The following PRELID2 variants were observed in gnomAD, a reference collection of about 807,000 sequenced individuals.
The protein encoded by PRELID2 is PRELI domain containing 2.
In PRELID2, 25 loss-of-function variants were observed where a neutral mutation model predicts 28.4. The ratio of observed to expected loss-of-function variants is 0.88; its 90% CI spans 0.64 to 1.23. The LOEUF (loss-of-function observed/expected upper bound fraction) is 1.23. Ranked by LOEUF, PRELID2 falls within the 50% of genes most tolerant of loss-of-function variation. The probability of loss-of-function intolerance (pLI) is 0.00; values close to 1 mark genes in which losing one functional copy is unlikely to be tolerated. For synonymous variants in PRELID2, 76 were observed against 71.6 expected (o/e 1.06, Z -0.31); for missense variants, 201 against 214.4 (o/e 0.94, Z 0.39).
chr5:145,482,161 G>A (rs765820548), intron 1 of PRELID2, among the ~76,000 whole-genome samples: 3 of 152,146 alleles, frequency 2.0e-5, no homozygotes, highest in Non-Finnish European at 2.9e-5. Context: ...AGCCATGAAA[G>A]GGGAAAGAAC....
At chr5:145,643,864 G>A (rs11949877) in intron 1 of PRELID2, among the ~76,000 whole-genome samples, 5,668 of 152,096 alleles carry the variant, frequency 0.037, 328 homozygotes, top group African/African-American at 0.13. Flanking sequence ...GGATGAAGCC[G>A]ATTTGATCAT....
chr5:145,720,932 T>C (rs10035959), intron 1 of PRELID2, among the ~76,000 whole-genome samples: 32,698 of 152,006 alleles, frequency 0.22, 4,514 homozygotes, highest in African/African-American at 0.39. Flanking sequence ...TTTTTGTTTA[T>C]GTGAGTTATA....
chr5:145,721,964 TAGG>T (rs1412720010), intron 1 of PRELID2, among the ~76,000 whole-genome samples: 1 of 152,076 alleles, frequency 6.6e-6, no homozygotes, highest in Non-Finnish European at 1.5e-5. Flanking sequence ...GCAGAAACTG[TAGG>T]AGAAGCAAGC....
At chr5:145,347,076 G>A in the PRELID2 span, among the ~76,000 whole-genome samples, 1 of 152,116 alleles carries the variant, frequency 6.6e-6, no homozygotes, top group Non-Finnish European at 1.5e-5. Context: ...GAAAAGAGAA[G>A]TTTTCCTTCT....
At chr5:145,743,296 A>G (rs1222547181) in intron 1 of PRELID2, among the ~76,000 whole-genome samples, 1 of 151,788 alleles carries the variant, frequency 6.6e-6, no homozygotes, top group Non-Finnish European at 1.5e-5. Flanking sequence ...CTGTAATCCC[A>G]GCTACTCGGG....
At chr5:145,722,962 A>G (rs1395149578) in intron 1 of PRELID2, among the ~76,000 whole-genome samples, 1 of 152,174 alleles carries the variant, frequency 6.6e-6, no homozygotes, top group East Asian at 1.9e-4. Context: ...TGACCAAACT[A>G]TCAATAACCA....
intron 1 of PRELID2, among the ~76,000 whole-genome samples, chr5:145,696,463 C>T (rs1027938567): frequency 6.6e-6 from 1 of 152,042 alleles, no homozygotes. Flanking sequence ...GAATTACTTC[C>T]TTATCTCTAA....
the PRELID2 span, among the ~76,000 whole-genome samples, chr5:145,238,002 C>T: frequency 6.6e-6 from 1 of 152,038 alleles, no homozygotes; most frequent in East Asian, 1.9e-4. Context: ...TGGAACGGGG[C>T]ATATTTCATG....
chr5:145,616,448 G>A (rs556126130), intron 1 of PRELID2, among the ~76,000 whole-genome samples: 1 of 152,110 alleles, frequency 6.6e-6, no homozygotes, highest in African/African-American at 2.4e-5. Flanking sequence ...TTTCACGTAG[G>A]TTCTTTTCTA....
intron 1 of PRELID2, among the ~76,000 whole-genome samples, chr5:145,607,034 G>T (rs1272742722): frequency 6.6e-6 from 1 of 152,102 alleles, no homozygotes; most frequent in Non-Finnish European, 1.5e-5. Flanking sequence ...TGCAATAGAG[G>T]TGTTTGTAGT....
At chr5:145,790,872 C>A (rs1323993637) in intron 5 of PRELID2, among the ~76,000 whole-genome samples, 1 of 133,072 alleles carries the variant, frequency 7.5e-6, no homozygotes, top group Admixed American at 8.3e-5. Context: ...TATAATTAAT[C>A]CAGCAATTTC....
chr5:145,644,196 G>A (rs1754156154), intron 1 of PRELID2, among the ~76,000 whole-genome samples: 1 of 139,266 alleles, frequency 7.2e-6, no homozygotes, highest in Admixed American at 7.0e-5. Context: ...TCAGAACTTG[G>A]TATTGGTCTA....
At position 145,821,120 on chromosome 5, in the gene PRELID2, G is replaced by A. The variant is rs183998814; in HGVS notation, c.134-1102C>T. On this transcript the variant is annotated intron_variant, in intron 2 of 6. Coordinates refer to ENST00000683046, the MANE Select transcript of PRELID2 (RefSeq NM_205846.3). ...TTAGAGAGACAGTTAACAACCGCCT[G>A]ACCGTCACCTGATGGTCATCCAACT... 2.3e-3 allele frequency among the ~76,000 whole-genome samples: 299 copies of A among 128,706 alleles called. 1 individual carries two copies. Among genetic ancestry groups the A allele is most frequent in the Non-Finnish European group, 3.2e-3 (193 of 60,044 alleles). 84.4% of individuals were successfully genotyped at this position (128,706 alleles called of 152,430 possible).
At chr5:145,286,729 T>TC in the PRELID2 span, among the ~76,000 whole-genome samples, 4 of 145,714 alleles carry the variant, frequency 2.7e-5, no homozygotes, top group Non-Finnish European at 4.5e-5. Flanking sequence ...TGTTTGTTTT[T>TC]TTTTTTTTTT....
intron 1 of PRELID2, among the ~76,000 whole-genome samples, chr5:145,713,641 T>TAC (rs1755763803): frequency 2.8e-5 from 4 of 141,012 alleles, no homozygotes; most frequent in South Asian, 2.2e-4. Flanking sequence ...TATATTTATA[T>TAC]ATACTATATA....
the PRELID2 span, among the ~76,000 whole-genome samples, chr5:145,344,498 ACTTTT>A: frequency 6.6e-6 from 1 of 152,080 alleles, no homozygotes; most frequent in Non-Finnish European, 1.5e-5. Flanking sequence ...GCTGTTTCTA[ACTTTT>A]CTTATATTAT....
chr5:145,741,641 TTTATA>T (rs1268463724), intron 1 of PRELID2, among the ~76,000 whole-genome samples: 2 of 28,826 alleles, frequency 6.9e-5, no homozygotes, highest in Admixed American at 6.4e-4. Flanking sequence ...TTATAATTTA[TTTATA>T]TATAAATAAT....
intron 1 of PRELID2, among the ~76,000 whole-genome samples, chr5:145,828,078 TAAAG>T (rs1025634781): frequency 6.6e-6 from 1 of 152,204 alleles, no homozygotes; most frequent in Non-Finnish European, 1.5e-5. Flanking sequence ...AAAACAAAAT[TAAAG>T]ACACGATGTT....
chr5:145,235,719 T>C, the PRELID2 span, among the ~76,000 whole-genome samples: 23 of 152,264 alleles, frequency 1.5e-4, no homozygotes, highest in Non-Finnish European at 2.6e-4. Context: ...GCCACACTTA[T>C]GTGTGTACAT....
Sources: allele counts gnomAD v4.1 joint callset (sites outside exome capture counted in the v4.1 genomes callset), GRCh38; gene constraint gnomAD v4.1.1; transcripts MANE v1.5; gene names NCBI Gene and HGNC (gene_info 2026-07-23, HGNC 2026-07-21).